The following FSHR variants were observed in gnomAD, a reference collection of about 807,000 sequenced individuals.
FSHR encodes the protein follicle-stimulating hormone receptor.
In FSHR, 46 loss-of-function variants were observed where a neutral mutation model predicts 52.1. That is an observed-to-expected ratio of 0.88 (90% CI 0.70 to 1.13). The LOEUF (loss-of-function observed/expected upper bound fraction) is 1.13. FSHR is among the 50% of genes most tolerant of loss of function. FSHR has a pLI of 0.00. For synonymous variants in FSHR, 399 were observed against 309.6 expected (o/e 1.29, Z -3.03); for missense variants, 964 against 834.6 (o/e 1.16, Z -1.91).
intron 4 of FSHR, among the ~76,000 whole-genome samples, chr2:49,013,221 C>A (rs1035695904): frequency 1.3e-5 from 2 of 151,598 alleles, no homozygotes; most frequent in African/African-American, 4.9e-5. Flanking sequence ...TGGCCAGTAC[C>A]TCTTGGACTT....
chr2:49,011,791 G>A (rs1487066574), intron 4 of FSHR, among the ~76,000 whole-genome samples: 4 of 152,050 alleles, frequency 2.6e-5, no homozygotes, highest in Admixed American at 6.6e-5. Context: ...GCTACTCTGA[G>A]CTGCCTCTTG....
At chr2:48,965,831 AAGAAC>A (rs1674454533) in intron 9 of FSHR, among the ~76,000 whole-genome samples, 1 of 152,246 alleles carries the variant, frequency 6.6e-6, no homozygotes, top group South Asian at 2.1e-4. Context: ...TCTCTGAGAT[AAGAAC>A]AGAAACAAAA....
intron 1 of FSHR, among the ~76,000 whole-genome samples, chr2:49,102,180 A>T (rs927912985): frequency 4.6e-5 from 7 of 152,140 alleles, no homozygotes; most frequent in Admixed American, 2.6e-4. Context: ...ATTTCTGGCT[A>T]TTTGCCCAGA....
chr2:49,132,093 T>C (rs1375596461), intron 1 of FSHR, among the ~76,000 whole-genome samples: 1 of 152,210 alleles, frequency 6.6e-6, no homozygotes, highest in Non-Finnish European at 1.5e-5. Flanking sequence ...CCTTGGCTCT[T>C]AAATCCCAGC....
At chr2:49,069,967 G>A (rs1572703783) in intron 1 of FSHR, among the ~76,000 whole-genome samples, 2 of 152,160 alleles carry the variant, frequency 1.3e-5, no homozygotes, top group Admixed American at 6.6e-5. Context: ...AGATAGAGCT[G>A]CTACTCAGGC....
At chr2:49,041,492 C>A (rs1207972062) in intron 2 of FSHR, among the ~76,000 whole-genome samples, 15 of 152,116 alleles carry the variant, frequency 9.9e-5, no homozygotes, top group African/African-American at 3.6e-4. Flanking sequence ...TGTCTTCCTT[C>A]CAGATACGTG....
intron 8 of FSHR, among the ~76,000 whole-genome samples, chr2:48,980,386 T>C (rs968743850): frequency 2.3e-4 from 35 of 152,362 alleles, no homozygotes; most frequent in African/African-American, 8.4e-4. Context: ...GAGGACCTTG[T>C]AGAATTGCTT....
At chr2:49,119,476 C>A (rs534375590) in intron 1 of FSHR, among the ~76,000 whole-genome samples, 1 of 151,906 alleles carries the variant, frequency 6.6e-6, no homozygotes. Flanking sequence ...TCTTAATTTC[C>A]CTTTTAAGCC....
At chr2:49,013,093 C>T (rs1452430578) in intron 4 of FSHR, among the ~76,000 whole-genome samples, 2 of 151,852 alleles carry the variant, frequency 1.3e-5, no homozygotes, top group African/African-American at 2.4e-5. Context: ...CTCCACCTCT[C>T]TCTCCCTCTC....
At chr2:49,100,361 C>A (rs571337226) in intron 1 of FSHR, among the ~76,000 whole-genome samples, 1 of 152,098 alleles carries the variant, frequency 6.6e-6, no homozygotes, top group Non-Finnish European at 1.5e-5. Flanking sequence ...AGTCAAACTC[C>A]AGAAATTCAC....
intron 8 of FSHR, among the ~76,000 whole-genome samples, chr2:48,980,217 A>G (rs1252681499): frequency 6.6e-6 from 1 of 152,232 alleles, no homozygotes; most frequent in Non-Finnish European, 1.5e-5. Flanking sequence ...AGGATCCTGC[A>G]CTGAGATGGA....
intron 2 of FSHR, among the ~76,000 whole-genome samples, chr2:49,041,657 G>T (rs1668482900): frequency 6.6e-6 from 1 of 152,062 alleles, no homozygotes; most frequent in African/African-American, 2.4e-5. Context: ...GGAATTGGAA[G>T]GGAATCCAAG....
Position 48,963,569 on chromosome 2 carries a change from T to C in FSHR, c.1252A>G (p.Ile418Val), listed in dbSNP as rs1222715086. 1 of 1,614,008 alleles carries C rather than the reference T, an allele frequency of 6.2e-7. No homozygotes were observed. Among genetic ancestry groups the C allele is most frequent in the East Asian group, 2.2e-5 (1 of 44,876 alleles). ...DLCIGIYLLL[I>V]ASVDIHTKSQ... ...TTGGTATGGATATCAACTGATGCAATGAGCAGCAGGTAGATTCCAATGCAG... is the reference window on the plus strand; with the variant it reads ...TTGGTATGGATATCAACTGATGCAACGAGCAGCAGGTAGATTCCAATGCAG... Residue 418 changes from isoleucine (I) to valine (V), a missense_variant, in exon 10 of 10, where the codon ATT (isoleucine) becomes GTT (valine). Transcript: ENST00000406846.
chr2:49,058,220 G>A (rs147251231), intron 2 of FSHR, among the ~76,000 whole-genome samples: 10 of 152,304 alleles, frequency 6.6e-5, no homozygotes, highest in African/African-American at 2.2e-4. Context: ...AAAAGAGGAA[G>A]TCAAATTGTC....
At chr2:49,052,408 A>C (rs1178029728) in intron 2 of FSHR, among the ~76,000 whole-genome samples, 6 of 152,216 alleles carry the variant, frequency 3.9e-5, no homozygotes, top group Non-Finnish European at 8.8e-5. Context: ...GATTCTGACT[A>C]AACTATCATC....
chr2:48,998,134 T>G (rs1559117811), intron 4 of FSHR, among the ~76,000 whole-genome samples: 1 of 152,144 alleles, frequency 6.6e-6, no homozygotes, highest in Non-Finnish European at 1.5e-5. Context: ...TATACATTTT[T>G]TTTTCAAAAA....
In FSHR at chr2:49,108,450, C is replaced by G. The variant is rs555512455; in HGVS notation, c.153-40160G>C. Among the ~76,000 whole-genome samples the G allele has an allele frequency of 1.5e-4, 23 of 152,232 alleles. No individual in the cohort carries two copies. The South Asian group carries it at 1.9e-3, about 12-fold the overall frequency. ...GGGTTTATTTGCCCTCTGTCTCTAG[C>G]GTGTCTTTTGCCCCTCTCACTCCTT... On this transcript the variant is annotated intron_variant, in intron 1 of 9. Transcript: ENST00000406846.
intron 1 of FSHR, among the ~76,000 whole-genome samples, chr2:49,128,678 C>CTT (rs35670931): frequency 2.8e-4 from 41 of 148,046 alleles, no homozygotes; most frequent in Admixed American, 9.4e-4. Flanking sequence ...GTTGAATAGT[C>CTT]TTTTTTTTTT....
chr2:49,144,786 C>T (rs147093394), intron 1 of FSHR, among the ~76,000 whole-genome samples: 1 of 152,188 alleles, frequency 6.6e-6, no homozygotes, highest in African/African-American at 2.4e-5. Context: ...CTGTGGGTAC[C>T]TGCTCAGGCT....
Sources: gnomAD v4.1 joint callset for allele counts (sites outside exome capture counted in the v4.1 genomes callset) on GRCh38, gnomAD v4.1.1 for gene constraint, MANE v1.5 for transcripts, NCBI Gene and HGNC (gene_info 2026-07-23, HGNC 2026-07-21) for gene names.